Variants in SPTSSB observed in about 807,000 individuals in gnomAD.
SPTSSB encodes the protein androgen down regulated in mouse prostate.
Under a neutral mutation model 7.7 loss-of-function variants are expected in SPTSSB, and 6 were observed. The ratio of observed to expected loss-of-function variants is 0.78; its 90% CI spans 0.43 to 1.54. The LOEUF is 1.54. SPTSSB is among the 40% of genes most tolerant of loss of function. The pLI, the probability that SPTSSB is intolerant of heterozygous loss-of-function variation, is 0.01. For synonymous variants in SPTSSB, 28 were observed against 29.7 expected (o/e 0.94, Z 0.19); for missense variants, 91 against 93.0 (o/e 0.98, Z 0.09).
chr3:161,367,541 A>G (rs1209458606), intron 1 of SPTSSB, among the ~76,000 whole-genome samples: 1 of 152,222 alleles, frequency 6.6e-6, no homozygotes, highest in Non-Finnish European at 1.5e-5. Flanking sequence ...ACGAAGCATT[A>G]TCATTTGATT....
chr3:161,353,034 A>C (rs1173992454), intron 2 of SPTSSB, among the ~76,000 whole-genome samples: 3 of 152,068 alleles, frequency 2.0e-5, no homozygotes, highest in Non-Finnish European at 4.4e-5. Flanking sequence ...GAAGACTTGA[A>C]TTCTATTGCA....
intron 2 of SPTSSB, among the ~76,000 whole-genome samples, chr3:161,347,077 T>C (rs1001418250): frequency 7.9e-5 from 12 of 152,280 alleles, no homozygotes; most frequent in African/African-American, 2.9e-4. Flanking sequence ...TGAAATGACT[T>C]TGGAGCCCAA....
chr3:161,352,091 C>T (rs1253086280), intron 2 of SPTSSB, among the ~76,000 whole-genome samples: 1 of 152,174 alleles, frequency 6.6e-6, no homozygotes, highest in Admixed American at 6.5e-5. Flanking sequence ...ACCTTACAGT[C>T]TTCTAAACTG....
At chr3:161,352,943 A>G (rs928976304) in intron 2 of SPTSSB, among the ~76,000 whole-genome samples, 1 of 152,166 alleles carries the variant, frequency 6.6e-6, no homozygotes, top group African/African-American at 2.4e-5. Context: ...TGCTTACTCT[A>G]GGTGAGTAAT....
intron 1 of SPTSSB, among the ~76,000 whole-genome samples, chr3:161,369,039 C>T (rs1046548972): frequency 1.3e-5 from 2 of 152,150 alleles, no homozygotes; most frequent in South Asian, 2.1e-4. Context: ...GTGTACAGTT[C>T]TTGAACGGAC....
At chr3:161,370,097 T>G (rs1448758348) in intron 1 of SPTSSB, among the ~76,000 whole-genome samples, 3 of 152,166 alleles carry the variant, frequency 2.0e-5, no homozygotes, top group Non-Finnish European at 4.4e-5. Flanking sequence ...TTATACTTGG[T>G]GGTAAGATAG....
rs768782714 is a variant in SPTSSB at position 161,346,300 on chromosome 3, T to G, written c.24A>C (p.Glu8Asp). ...ATTGATAGTAGAGCCAGGAGAAATA[T>G]TCCTTCACACGCCTCAAATCCATGG... Reference protein sequence around the residue: MDLRRVKEYFSWLYYQYQ... With the variant: MDLRRVKDYFSWLYYQYQ... The change falls in exon 3 of 3, where the codon GAA becomes GAC. Residue 8 changes from glutamate (E) to aspartate (D), a missense_variant. Glu to Asp is a conservative substitution (Grantham distance 45, BLOSUM62 2). Transcript: ENST00000620149. 1 of 1,613,240 alleles carries G rather than the reference T, an allele frequency of 6.2e-7. No individual in the cohort carries two copies. The highest frequency in any genetic ancestry group is 8.5e-7 in the Non-Finnish European group (1 of 1,179,296).
At chr3:161,346,859 C>T (rs994459103) in intron 2 of SPTSSB, among the ~76,000 whole-genome samples, 10 of 152,182 alleles carry the variant, frequency 6.6e-5, no homozygotes, top group Admixed American at 6.5e-5. Flanking sequence ...AAGTAGGTTG[C>T]TTTTGAGGGG....
At chr3:161,349,171 A>G (rs1372928023) in intron 2 of SPTSSB, among the ~76,000 whole-genome samples, 2 of 152,210 alleles carry the variant, frequency 1.3e-5, no homozygotes, top group Non-Finnish European at 2.9e-5. Flanking sequence ...CAAAGGCATT[A>G]CAGGCAGGAG....
At chr3:161,354,220 T>G (rs978976892) in intron 2 of SPTSSB, among the ~76,000 whole-genome samples, 7 of 152,242 alleles carry the variant, frequency 4.6e-5, no homozygotes, top group Non-Finnish European at 1.0e-4. Flanking sequence ...GGAAGTTTAC[T>G]GAAATAATAT....
chr3:161,365,680 G>T (rs1338267315), intron 1 of SPTSSB, among the ~76,000 whole-genome samples: 2 of 152,154 alleles, frequency 1.3e-5, no homozygotes, highest in African/African-American at 2.4e-5. Flanking sequence ...GTGACAGGGG[G>T]TCTTTTGACT....
chr3:161,360,501 C>A (rs983138861), intron 1 of SPTSSB, among the ~76,000 whole-genome samples: 5 of 152,010 alleles, frequency 3.3e-5, no homozygotes, highest in African/African-American at 1.2e-4. Flanking sequence ...TTGTCTTATG[C>A]ATATATTAGG....
intron 1 of SPTSSB, among the ~76,000 whole-genome samples, chr3:161,366,654 C>T (rs929741572): frequency 3.9e-5 from 6 of 152,116 alleles, no homozygotes; most frequent in Non-Finnish European, 8.8e-5. Context: ...CCCTTATCTA[C>T]ATTATGTAAT....
chr3:161,357,582 C>T (rs1044294942), intron 2 of SPTSSB, among the ~76,000 whole-genome samples: 2 of 152,180 alleles, frequency 1.3e-5, no homozygotes, highest in African/African-American at 2.4e-5. Flanking sequence ...CGCCCAAAAC[C>T]TATGTTCATG....
intron 2 of SPTSSB, among the ~76,000 whole-genome samples, chr3:161,350,534 G>A (rs1199908002): frequency 3.3e-5 from 5 of 149,314 alleles, no homozygotes; most frequent in Admixed American, 6.6e-5. Flanking sequence ...TTTTTTTTTT[G>A]TGCTTCATAT....
chr3:161,356,431 G>A (rs996793869), intron 2 of SPTSSB, among the ~76,000 whole-genome samples: 2 of 152,164 alleles, frequency 1.3e-5, no homozygotes, highest in African/African-American at 4.8e-5. Flanking sequence ...GGGTGAAAAT[G>A]GTGAGTTACT....
intron 2 of SPTSSB, among the ~76,000 whole-genome samples, chr3:161,350,296 C>T (rs336571): frequency 0.087 from 13,271 of 152,030 alleles, 713 homozygotes; most frequent in East Asian, 0.24. Context: ...TAGCCCTCCC[C>T]CTGCCAAAAA....
intron 2 of SPTSSB, among the ~76,000 whole-genome samples, chr3:161,357,910 A>C (rs532770750): frequency 1.3e-5 from 2 of 151,910 alleles, no homozygotes; most frequent in Admixed American, 1.3e-4. Flanking sequence ...GTATCAGAGA[A>C]CAAACTTCTG....
intron 2 of SPTSSB, among the ~76,000 whole-genome samples, chr3:161,349,680 C>T (rs1366962368): frequency 6.6e-6 from 1 of 152,168 alleles, no homozygotes; most frequent in African/African-American, 2.4e-5. Context: ...AGGTGGCACT[C>T]CTAAGCAGAC....
Sources: gnomAD v4.1 joint callset for allele counts (sites outside exome capture counted in the v4.1 genomes callset) on GRCh38, gnomAD v4.1.1 for gene constraint, MANE v1.5 for transcripts, NCBI Gene and HGNC (gene_info 2026-07-23, HGNC 2026-07-21) for gene names.